Variants in CBLN2 observed in about 807,000 individuals in gnomAD.
CBLN2 encodes the protein cerebellin-2.
Under a neutral mutation model 15.0 loss-of-function variants are expected in CBLN2, and 7 were observed. The observed-to-expected ratio is 0.47, with a 90% confidence interval of 0.27 to 0.88. The LOEUF is 0.88. Ranked by LOEUF, CBLN2 falls within the 40% of genes least tolerant of loss-of-function variation. The probability of loss-of-function intolerance (pLI) is 0.14; values close to 1 mark genes in which losing one functional copy is unlikely to be tolerated. For synonymous variants in CBLN2, 149 were observed against 135.2 expected, an observed-to-expected ratio of 1.10 and a Z score of -0.71; for missense variants, 242 against 304.5, an observed-to-expected ratio of 0.79 and a Z score of 1.53.
intron 1 of CBLN2, among the ~76,000 whole-genome samples, chr18:72,591,830 A>G (rs746054445): frequency 6.6e-6 from 1 of 152,128 alleles, no homozygotes; most frequent in African/African-American, 2.4e-5. Context: ...ACAGAATCTC[A>G]TTCTTTGTTT....
rs1351894571 is a variant in CBLN2 at position 72,538,722 on chromosome 18, T to C, written c.408A>G (p.Val136=). The C allele has an allele frequency of 1.2e-6, 2 of 1,613,912 alleles. No individual in the cohort carries two copies. ...NHFDLASSIF[V]APRKGIYSFS... is the part of the protein sequence containing the mutation. ...AGCTATAAATCCCTTTTCTCGGTGC[T>C]ACAAATATACTGGAAGCAAGATCAA... is the stretch of plus-strand genomic sequence containing the variant. The change falls in exon 4 of 5, where the codon GTA becomes GTG. Residue 136 remains valine (V), a synonymous_variant. Transcript: ENST00000269503.
intron 1 of CBLN2, among the ~76,000 whole-genome samples, chr18:72,603,360 A>G (rs756123419): frequency 2.0e-5 from 3 of 152,016 alleles, no homozygotes; most frequent in African/African-American, 4.8e-5. Flanking sequence ...TTTTAATTCA[A>G]TAAGTGAAAG....
rs145505728 is a variant in CBLN2 at position 72,562,548 on chromosome 18, T to C, written c.16-23776A>G. ...AGGAACACATTTGACCTAATTTGAC[T>C]GATGTGGTTAGACGAGTCTCCTTGA... is the stretch of plus-strand genomic sequence containing the variant. On this transcript the variant is annotated intron_variant, in intron 1 of 2. Transcript: ENST00000581073. Among the ~76,000 whole-genome samples the C allele has an allele frequency of 6.6e-5, 10 of 152,344 alleles. No individual in the cohort carries two copies. The East Asian group carries it at 1.9e-3, about 29-fold the overall frequency.
chr18:72,618,451 G>A, intron 1 of CBLN2: 2 of 653,998 alleles, frequency 3.1e-6, no homozygotes, highest in East Asian at 3.1e-5. Flanking sequence ...TTTGTCACAT[G>A]CACCACTGTG....
Position 72,603,375 on chromosome 18 carries a change from G to A in CBLN2, c.15+34950C>T, listed in dbSNP as rs142403360. On this transcript the variant is annotated intron_variant, in intron 1 of 2. Coordinates refer to the CBLN2 transcript ENST00000581073. ...TTTTAATTCAATAAGTGAAAGCTGC[G>A]GGTCCCTTTTTTTTCTCCTAACAAA... Among the ~76,000 whole-genome samples the A allele has an allele frequency of 5.7e-3, 865 of 150,830 alleles. 14 individuals are homozygous for A. Among genetic ancestry groups the A allele is most frequent in the African/African-American group, 0.02 (826 of 41,026 alleles).
At position 72,541,815 on chromosome 18, in the gene CBLN2, A is replaced by G; in HGVS notation, c.346T>C (p.Tyr116His). The change falls in exon 3 of 5, where the codon TAT (tyrosine) becomes CAT (histidine). Residue 116 changes from tyrosine (Y) to histidine (H), a missense_variant. Physicochemically the swap from Tyr to His is moderately conservative, Grantham distance 83. This residue lies in a region of CBLN2 where 89 missense variants were observed against 114.2 expected (regional missense o/e 0.78). Transcript: ENST00000269503. ...SEMSNRTMTI[Y>H]FDQVLVNIGN... ...GGCCGACGGCTGACCTGGTCGAAAT[A>G]GATGGTCATGGTGCGGTTGCTCATC... 3 of 1,564,184 alleles carry G rather than the reference A, an allele frequency of 1.9e-6. No individual in the cohort carries two copies. Among genetic ancestry groups the G allele is most frequent in the Non-Finnish European group, 8.6e-7 (1 of 1,156,212 alleles).
At chr18:72,560,983 T>C (rs2069257076) in intron 1 of CBLN2, among the ~76,000 whole-genome samples, 1 of 152,016 alleles carries the variant, frequency 6.6e-6, no homozygotes, top group Non-Finnish European at 1.5e-5. Context: ...TACTCCCGCC[T>C]GGGTGACAGA....
chr18:72,542,767 G>A (rs1246376738), intron 2 of CBLN2, among the ~76,000 whole-genome samples: 1 of 152,070 alleles, frequency 6.6e-6, no homozygotes, highest in Non-Finnish European at 1.5e-5. Context: ...TTGTTTCCCT[G>A]CTATCCTCTA....
chr18:72,618,739 G>A (rs2069679859), intron 1 of CBLN2: 21 of 719,432 alleles, frequency 2.9e-5, no homozygotes, highest in Non-Finnish European at 4.3e-5. Context: ...CCATGACTCC[G>A]TGGATGACAC....
chr18:72,544,394 C>T (rs1024044765), upstream of CBLN2: 1 of 152,172 alleles, frequency 6.6e-6, no homozygotes, highest in Non-Finnish European at 1.5e-5. Context: ...TGTCCGCGCT[C>T]GCTCAAAGGA....
upstream of CBLN2, chr18:72,544,628 A>C (rs918533261): frequency 2.0e-5 from 3 of 150,988 alleles, no homozygotes; most frequent in Non-Finnish European, 4.4e-5. Context: ...TAATAATATA[A>C]TAATAATAAT....
intron 1 of CBLN2, among the ~76,000 whole-genome samples, chr18:72,606,190 C>T (rs1448767291): frequency 1.3e-5 from 2 of 152,120 alleles, no homozygotes; most frequent in Admixed American, 1.3e-4. Flanking sequence ...GCCTTTTATT[C>T]CAAGTCCCAA....
At chr18:72,591,623 C>A (rs1290233623) in intron 1 of CBLN2, among the ~76,000 whole-genome samples, 3 of 152,098 alleles carry the variant, frequency 2.0e-5, no homozygotes, top group Non-Finnish European at 4.4e-5. Context: ...TACCTATTAA[C>A]CATCCTTATT....
At chr18:72,538,528 C>T in intron 4 of CBLN2, 125 bp downstream of exon 4, 1 of 1,455,384 alleles carries the variant, frequency 6.9e-7, no homozygotes, top group East Asian at 2.3e-5. Context: ...TAGTTCAGAG[C>T]CACATCACCC....
rs925113443 is a variant in CBLN2 at position 72,588,196 on chromosome 18, A to G, written c.16-49424T>C. Among the ~76,000 whole-genome samples, 11 of 152,326 alleles carry G rather than the reference A, an allele frequency of 7.2e-5. No homozygotes were observed. In the South Asian group the frequency reaches 1.2e-3, roughly 17 times the overall value. On this transcript the variant is annotated intron_variant, in intron 1 of 2. Coordinates refer to the CBLN2 transcript ENST00000581073. ...CAGGGCGTCTGTGATAACAGTCTTT[A>G]GAAATTCAAACAAGTGTGAGGAGGT...
intron 1 of CBLN2, among the ~76,000 whole-genome samples, chr18:72,560,106 C>T (rs1051663378): frequency 6.6e-6 from 1 of 152,180 alleles, no homozygotes; most frequent in African/African-American, 2.4e-5. Flanking sequence ...TTACTTGCTG[C>T]TCACTGACAG....
chr18:72,600,588 G>A (rs1364176687), intron 1 of CBLN2, among the ~76,000 whole-genome samples: 1 of 152,166 alleles, frequency 6.6e-6, no homozygotes, highest in Non-Finnish European at 1.5e-5. Flanking sequence ...GGCCTGGAAG[G>A]ATATGGAAGG....
chr18:72,557,272 C>T (rs920668688), intron 1 of CBLN2, among the ~76,000 whole-genome samples: 3 of 152,058 alleles, frequency 2.0e-5, no homozygotes, highest in Non-Finnish European at 4.4e-5. Context: ...TTTTCTTTAT[C>T]CAGTCTCTCA....
chr18:72,589,655 C>T (rs926551750), intron 1 of CBLN2, among the ~76,000 whole-genome samples: 1 of 152,164 alleles, frequency 6.6e-6, no homozygotes, highest in Non-Finnish European at 1.5e-5. Context: ...AACAATTTCA[C>T]ATTTAAGATA....
Sources: allele counts gnomAD v4.1 joint callset (sites outside exome capture counted in the v4.1 genomes callset), GRCh38; gene constraint gnomAD v4.1.1; regional missense constraint gnomAD v4.1.1; transcripts MANE v1.5; gene names NCBI Gene and HGNC (gene_info 2026-07-23, HGNC 2026-07-21).